Variants in MYO15A observed in about 807,000 individuals in gnomAD.
MYO15A encodes the protein unconventional myosin-XV.
MYO15A carries 308 observed loss-of-function variants against 394.6 expected under a neutral mutation model. The observed-to-expected ratio is 0.78, with a 90% CI of 0.71 to 0.86. MYO15A has a LOEUF of 0.86. Among genes scored for constraint, MYO15A ranks in the 40% least tolerant of loss-of-function variants. MYO15A has a pLI of 0.00. For synonymous variants in MYO15A, 1,957 were observed against 2,003.8 expected (o/e 0.98, Z 0.62); for missense variants, 4,606 against 4,799.1 (o/e 0.96, Z 1.19).
intron 48 of MYO15A, 101 bp downstream of exon 48, chr17:18,156,437 C>A: frequency 7.3e-7 from 1 of 1,365,020 alleles, no homozygotes; most frequent in Non-Finnish European, 1.0e-6. Flanking sequence ...AGATTTCTGT[C>A]TACCTTAAGG....
chr17:18,164,047 T>C (rs899600263), intron 60 of MYO15A: 5 of 612,308 alleles, frequency 8.2e-6, no homozygotes, highest in Admixed American at 7.2e-5. Context: ...TTGCCTCACC[T>C]TATGATGAGA....
At chr17:18,164,291 G>A (rs2046818574) in intron 60 of MYO15A, 1 of 245,872 alleles carries the variant, frequency 4.1e-6, no homozygotes. Context: ...TGGGACCCTA[G>A]GTGACCGTCA....
intron 18 of MYO15A, 140 bp downstream of exon 18, chr17:18,139,076 A>G: frequency 1.5e-6 from 2 of 1,296,916 alleles, no homozygotes; most frequent in South Asian, 2.5e-5. Flanking sequence ...TGTGACCTTG[A>G]GCAAATTGCT....
rs747357971 is a variant in MYO15A at position 18,144,574 on chromosome 17, C to T, written c.6255C>T (p.Ala2085=). The T allele has an allele frequency of 1.9e-5, 31 of 1,612,734 alleles. No individual in the cohort carries two copies. The highest frequency in any genetic ancestry group is 8.3e-5 in the Admixed American group (5 of 60,000). ...TGCCAGCCGAGCACCATGCAGAAGC[C>T]GTGAGCATCTTCAAGCTGGTATGGG... The part of the protein sequence containing the change: ...TQLPAEHHAE[A]VSIFKLILRF... The change falls in exon 29 of 66, where the codon GCC becomes GCT. Residue 2085 remains alanine (A), a synonymous_variant. Transcript: ENST00000647165.
chr17:18,122,032 T>C lies in MYO15A; in HGVS notation c.3232T>C (p.Trp1078Arg), dbSNP rs1489268848. Reference sequence around the variant, plus strand: ...CCAGACCAGGGCCACATGGCCACCATGGCACCGCTGGGGAACACTGCCCCA... The same window carrying C: ...CCAGACCAGGGCCACATGGCCACCACGGCACCGCTGGGGAACACTGCCCCA... ...CDQTRATWPP[W>R]HRWGTLPQAA... The change falls in exon 2 of 66, where the codon TGG becomes CGG. Residue 1078 changes from tryptophan to arginine, a missense_variant. Physicochemically the swap from Trp to Arg is moderately radical, Grantham distance 101 (BLOSUM62 -3). Around this residue, in one of 2 missense-constraint regions of MYO15A, gnomAD observed 1,830 missense variants for 1,689.7 expected, o/e 1.08. Coordinates refer to ENST00000647165, the MANE Select transcript of MYO15A (RefSeq NM_016239.4). The C allele has an allele frequency of 6.2e-7, 1 of 1,612,998 alleles. No homozygotes were observed. The highest frequency in any genetic ancestry group is 1.1e-5 in the South Asian group (1 of 91,088).
At position 18,150,993 on chromosome 17, in the gene MYO15A, C is replaced by A. The variant is rs1037836795; in HGVS notation, c.7473+80C>A. On this transcript the variant is annotated intron_variant, in intron 38 of 65. Coordinates refer to ENST00000647165, the MANE Select transcript of MYO15A (RefSeq NM_016239.4). The surrounding 1 kb of genome is among the most constrained non-coding windows in gnomAD (Gnocchi z 4.4). ...AGGAATGCTGTGCTGCTCCAGGGCA[C>A]TATTGTGCCTCTTTGAGCCCAGGAG... 2.5e-6 allele frequency: 4 copies of A among 1,606,734 alleles called. No homozygotes were observed. Among genetic ancestry groups the A allele is most frequent in the Non-Finnish European group, 3.4e-6 (4 of 1,177,722 alleles).
intron 16 of MYO15A, 48 bp from the exon 17 acceptor site, chr17:18,138,067 C>A: frequency 1.3e-6 from 2 of 1,596,798 alleles, no homozygotes; most frequent in Non-Finnish European, 1.7e-6. Flanking sequence ...GGTGGGTGGG[C>A]CCTGGACAGG....
Position 18,145,946 on chromosome 17 carries a change from G to A in MYO15A, c.6348G>A (p.Lys2116=), listed in dbSNP as rs2046472164. The change falls in exon 30 of 66, where the codon AAG becomes AAA. Residue 2116 remains lysine, a synonymous_variant. Transcript: ENST00000647165. The stretch of plus-strand genomic sequence containing the variant: ...TCTTCGGGAACTACATCGTGCAGAA[G>A]GGGCTGGCGGTGCCTGAGCTGCGGG... ...ENIFGNYIVQ[K]GLAVPELRDE... 2.5e-6 allele frequency: 4 copies of A among 1,613,680 alleles called. No homozygotes were observed. Among genetic ancestry groups the A allele is most frequent in the Non-Finnish European group, 3.4e-6 (4 of 1,180,026 alleles).
chr17:18,177,039 G>A (rs1035676878), intron 65 of MYO15A: 9 of 152,426 alleles, frequency 5.9e-5, no homozygotes, highest in African/African-American at 2.2e-4. Context: ...GATGGATGAA[G>A]GCCTCTTTGC....
At chr17:18,167,546 A>G (rs1480677241) in intron 61 of MYO15A, 44 bp from the exon 62 acceptor site, 1 of 1,599,308 alleles carries the variant, frequency 6.3e-7, no homozygotes, top group South Asian at 1.1e-5. Context: ...AAGTGCCTGC[A>G]CGCGTGCCTG....
In MYO15A at chr17:18,133,344, C is replaced by G. The variant is rs1271539567; in HGVS notation, c.4440C>G (p.Ala1480=). 1 of 1,614,114 alleles carries G rather than the reference C, an allele frequency of 6.2e-7. No homozygotes were observed. Among genetic ancestry groups the G allele is most frequent in the Non-Finnish European group, 8.5e-7 (1 of 1,180,048 alleles). The change falls in exon 12 of 66, where the codon GCC becomes GCG. Residue 1480 remains alanine, a synonymous_variant. Coordinates refer to ENST00000647165, the MANE Select transcript of MYO15A (RefSeq NM_016239.4). The part of the protein sequence containing the change: ...EDQDSIFRIL[A]SILHLGNVYF... ...AGGACAGCATCTTCCGCATCCTGGC[C>G]TCCATCCTGCACCTGGGCAACGTCT... is the stretch of plus-strand genomic sequence containing the variant.
Position 18,138,828 on chromosome 17 carries a change from C to T in MYO15A, c.5025C>T (p.Phe1675=). 14 of 1,613,950 alleles carry T rather than the reference C, an allele frequency of 8.7e-6. No individual in the cohort carries two copies. Among genetic ancestry groups the T allele is most frequent in the Non-Finnish European group, 1.2e-5 (14 of 1,179,954 alleles). ...GCCCCCAGGCTACAGACCACACCTT[C>T]CTACAGAAGTGCCACTACCATCATG... ...CCFPQATDHT[F]LQKCHYHHGA... is the part of the protein sequence containing the mutation. The change falls in exon 18 of 66, where the codon TTC becomes TTT. Residue 1675 remains phenylalanine (F), a synonymous_variant. Coordinates refer to ENST00000647165, the MANE Select transcript of MYO15A (RefSeq NM_016239.4).
rs183256997 is a variant in MYO15A, at chr17:18,136,695, G to T, written c.4779+9G>T. 2.5e-6 allele frequency: 4 copies of T among 1,593,528 alleles called. No homozygotes were observed. In the East Asian group the frequency reaches 9.1e-5, roughly 36 times the overall value. On this transcript the variant is annotated intron_variant, in intron 15 of 65. Transcript: ENST00000647165. ...ACATCTATGGTTTCGAGGTGGGGCC[G>T]TGTAGGAGGCTGAGGGGCGGGGGAC...
Position 18,126,444 on chromosome 17 carries a change from G to A in MYO15A, c.3854G>A (p.Gly1285Glu), listed in dbSNP as rs758168727. The A allele has an allele frequency of 3.7e-6, 6 of 1,613,780 alleles. No individual in the cohort carries two copies. The African/African-American group carries it at 6.7e-5, about 18-fold the overall frequency. ...CAGCAGTACAACGGACGGGCCCTGG[G>A]AGAGAATCCCCCGTGAGTGTCTCGG... Reference protein sequence around the residue: ...QVQQYNGRALGENPPHLFAVA... With the variant: ...QVQQYNGRALEENPPHLFAVA... The change falls in exon 5 of 66, where the codon GGA (glycine) becomes GAA (glutamate). Residue 1285 changes from glycine to glutamate, a missense_variant. Physicochemically the swap from Gly to Glu is moderately conservative, Grantham distance 98 (BLOSUM62 -2). Around this residue, in one of 2 missense-constraint regions of MYO15A, gnomAD observed 2,776 missense variants for 3,109.3 expected, o/e 0.89. Transcript: ENST00000647165.
intron 3 of MYO15A, 140 bp from the exon 4 acceptor site, chr17:18,125,028 A>G (rs2046007348): frequency 1.2e-6 from 1 of 812,126 alleles, no homozygotes; most frequent in Non-Finnish European, 2.2e-6. Flanking sequence ...AATTTGTCCA[A>G]GGTCTCCTAG....
chr17:18,149,190 T>C lies in MYO15A; in HGVS notation c.6957-26T>C, dbSNP rs762686921. On this transcript the variant is annotated intron_variant, in intron 33 of 65. Coordinates refer to ENST00000647165, the MANE Select transcript of MYO15A (RefSeq NM_016239.4). Reference sequence around the variant, plus strand: ...ATTCTGGGATCTCTCTGGGGGTCAGTAGCTCCATGTTCCTTTTCTCCACAG... The same window carrying C: ...ATTCTGGGATCTCTCTGGGGGTCAGCAGCTCCATGTTCCTTTTCTCCACAG... 16 of 1,613,534 alleles carry C rather than the reference T, an allele frequency of 9.9e-6. No individual in the cohort carries two copies. In the South Asian group the frequency reaches 1.6e-4, roughly 17 times the overall value.
chr17:18,144,800 CAA>C (rs35437143), intron 29 of MYO15A, among the ~76,000 whole-genome samples: 24 of 117,044 alleles, frequency 2.1e-4, no homozygotes, highest in Non-Finnish European at 1.8e-4. Context: ...ATCTTCCTGG[CAA>C]AAAAAAAAAA....
rs761882795 is a variant in MYO15A at position 18,152,137 on chromosome 17, T to C, written c.7919T>C (p.Val2640Ala). 1 of 1,551,558 alleles carries C rather than the reference T, an allele frequency of 6.4e-7. No individual in the cohort carries two copies. Among genetic ancestry groups the C allele is most frequent in the Non-Finnish European group, 8.7e-7 (1 of 1,147,284 alleles). Reference protein sequence around the residue: ...TQVSREAVALVKPVTSAPRPS... With the variant: ...TQVSREAVALAKPVTSAPRPS... ...GTGTCCAGAGAGGCCGTGGCCCTGG[T>C]GAAGCCGGTGACCAGTGCACCAAGG... Residue 2640 changes from valine (V) to alanine (A), a missense_variant, in exon 42 of 66, where the codon GTG becomes GCG. By Grantham distance (64) the Val-to-Ala change is moderately conservative. Around this residue, in one of 2 missense-constraint regions of MYO15A, gnomAD observed 2,776 missense variants for 3,109.3 expected, o/e 0.89. Transcript: ENST00000647165.
chr17:18,133,835 T>G (rs1178849994), intron 12 of MYO15A, among the ~76,000 whole-genome samples: 1 of 152,136 alleles, frequency 6.6e-6, no homozygotes, highest in African/African-American at 2.4e-5. Context: ...TTTTTGTATT[T>G]TTAGTAGAGA....
Sources: gnomAD v4.1 joint callset for allele counts (sites outside exome capture counted in the v4.1 genomes callset) on GRCh38, gnomAD v4.1.1 for gene constraint, gnomAD v4.1.1 regional missense constraint, Gnocchi (gnomAD v3.1) non-coding constraint, MANE v1.5 for transcripts, NCBI Gene and HGNC (gene_info 2026-07-23, HGNC 2026-07-21) for gene names.